Variants in COX18 observed in about 807,000 individuals in gnomAD.
COX18 encodes the protein cytochrome c oxidase assembly factor COX18.
In COX18, 45 loss-of-function variants were observed where a neutral mutation model predicts 38.0. That is an observed-to-expected ratio of 1.18 (90% CI 0.93 to 1.52). The LOEUF (loss-of-function observed/expected upper bound fraction) is 1.52, where lower values mean the gene tolerates loss of function less well. Among genes scored for constraint, COX18 ranks in the 40% most tolerant of loss-of-function variants. The pLI, the probability that COX18 is intolerant of heterozygous loss-of-function variation, is 0.00. For synonymous variants in COX18, 177 were observed against 169.8 expected (o/e 1.04, Z -0.33); for missense variants, 462 against 423.8 (o/e 1.09, Z -0.79).
Position 73,069,660 on chromosome 4 carries a change from C to G in COX18, c.-11G>C. On this transcript the variant is annotated 5_prime_UTR_variant, in exon 1 of 6. Coordinates refer to ENST00000507544, the MANE Select transcript of COX18 (RefSeq NM_001297732.2). ...GAGCCGGCACAGCATTTCTGCACCACGGCGGAGCCCAGATCCCGGGCCTCA... is the reference window on the plus strand; with the variant it reads ...GAGCCGGCACAGCATTTCTGCACCAGGGCGGAGCCCAGATCCCGGGCCTCA... 1 of 1,543,206 alleles carries G rather than the reference C, an allele frequency of 6.5e-7. No homozygotes were observed. The highest frequency in any genetic ancestry group is 8.7e-7 in the Non-Finnish European group (1 of 1,149,856).
In COX18 at chr4:73,056,679, T is replaced by A. The variant is rs987958388; in HGVS notation, c.*1435A>T. 6.6e-6 allele frequency: 1 copy of A among 152,212 alleles called. No individual in the cohort carries two copies. The highest frequency in any genetic ancestry group is 1.5e-5 in the Non-Finnish European group (1 of 68,040). 9.4% of individuals were successfully genotyped at this position (152,212 alleles called of 1,614,324 possible). On this transcript the variant is annotated 3_prime_UTR_variant, in exon 6 of 6. Transcript: ENST00000507544. ...TATGTTCCATTAGAATAAGATTTAT[T>A]AACTAGGAATTGCCAGAAAATCTTC...
At position 73,058,199 on chromosome 4, in the gene COX18, C is replaced by T. The variant is rs145314693; in HGVS notation, c.920G>A (p.Arg307Gln). Residue 307 changes from arginine to glutamine, a missense_variant, in exon 6 of 6, where the codon CGA becomes CAA. Transcript: ENST00000507544. ...TGAATCTGACTTGGTCGATGGTATT[C>T]GGCAAAGTTGGCGAAATCCAGGAGA... ...LRSPGFRQLC[R>Q]IPSTKSDSET... is the part of the protein sequence containing the mutation. The T allele has an allele frequency of 5.8e-5, 93 of 1,613,732 alleles. 1 individual carries two copies. In the African/African-American group the frequency reaches 7.1e-4, roughly 12 times the overall value.
chr4:73,058,755 T>C (rs1413119173), intron 5 of COX18, among the ~76,000 whole-genome samples: 1 of 152,224 alleles, frequency 6.6e-6, no homozygotes, highest in Non-Finnish European at 1.5e-5. Flanking sequence ...TAGTAAGGAA[T>C]GCATTTTCTT....
At chr4:73,061,393 G>C (rs1204777980) in intron 5 of COX18, among the ~76,000 whole-genome samples, 1 of 152,154 alleles carries the variant, frequency 6.6e-6, no homozygotes, top group Non-Finnish European at 1.5e-5. Flanking sequence ...GGATCAAGTA[G>C]TCAGAGGAAG....
Position 73,058,120 on chromosome 4 carries a change from T to A in COX18, c.999A>T (p.Arg333Ser). ...AAAATTATTGGAAAATATGTCATTTTCTTGAAATGAACTTGGTATTAAAGG... is the reference window on the plus strand; with the variant it reads ...AAAATTATTGGAAAATATGTCATTTACTTGAAATGAACTTGGTATTAAAGG... ...FAAFNTKFIS[R>S]K Residue 333 changes from arginine to serine, a missense_variant, in exon 6 of 6, where the codon AGA (arginine) becomes AGT (serine). Coordinates refer to ENST00000507544, the MANE Select transcript of COX18 (RefSeq NM_001297732.2). 6.3e-7 allele frequency: 1 copy of A among 1,575,900 alleles called. No homozygotes were observed. The highest frequency in any genetic ancestry group is 8.6e-7 in the Non-Finnish European group (1 of 1,156,802).
At chr4:73,069,210 C>T in intron 1 of COX18, 107 bp downstream of exon 1, 1 of 778,756 alleles carries the variant, frequency 1.3e-6, no homozygotes, top group Non-Finnish European at 2.0e-6. Flanking sequence ...AAACACTAAG[C>T]ACTGCAGAAG....
Position 73,069,483 on chromosome 4 carries a change from T to C in COX18, c.167A>G (p.Glu56Gly). 6.3e-7 allele frequency: 1 copy of C among 1,593,310 alleles called. No individual in the cohort carries two copies. Among genetic ancestry groups the C allele is most frequent in the South Asian group, 1.1e-5 (1 of 88,144 alleles). Residue 56 changes from glutamate to glycine, a missense_variant, in exon 1 of 6, where the codon GAG becomes GGG. Transcript: ENST00000507544. Reference protein sequence around the residue: ...VSAVHANGWYEALAASSPVRV... With the variant: ...VSAVHANGWYGALAASSPVRV... ...CACCGGCGAAGACGCGGCCAGGGCC[T>C]CGTACCAGCCGTTCGCATGTACTGC...
chr4:73,052,643 A>T lies in COX18; in HGVS notation c.*5471T>A, dbSNP rs1719773614. 2.6e-5 allele frequency: 4 copies of T among 152,180 alleles called. No individual in the cohort carries two copies. In the South Asian group the frequency reaches 8.3e-4, roughly 31 times the overall value. 9.4% of individuals were successfully genotyped at this position (152,180 alleles called of 1,614,324 possible). A position where few individuals can be genotyped will look rare whatever the true frequency, so the allele number is the denominator to read the frequency against. On this transcript the variant is annotated 3_prime_UTR_variant, in exon 6 of 6. Coordinates refer to ENST00000507544, the MANE Select transcript of COX18 (RefSeq NM_001297732.2). ...AATGGAAAATCTATAAATTCATATA[A>T]TTTCCAATTATCTGGGTTCTGCTTG...
rs1226097940 is a variant in COX18, at chr4:73,068,782, A to AT, written c.333+534dup. 2.6e-5 allele frequency: 4 copies of AT among 153,280 alleles called. No individual in the cohort carries two copies. In the South Asian group the frequency reaches 8.0e-4, roughly 31 times the overall value. The allele number at this position is 153,280 out of a possible 1,614,324, so 9.5% of individuals were successfully genotyped here. ...AGGCAAGGAAGGTACTGCTAGCCTGATTCCTCAGAAAAAAGGATTCAGCAT... is the reference window on the plus strand; with the variant it reads ...AGGCAAGGAAGGTACTGCTAGCCTGATTTCCTCAGAAAAAAGGATTCAGCAT... On this transcript the variant is annotated intron_variant, in intron 1 of 5. Coordinates refer to ENST00000507544, the MANE Select transcript of COX18 (RefSeq NM_001297732.2).
At chr4:73,066,844 C>T (rs978283271) in intron 2 of COX18, among the ~76,000 whole-genome samples, 1 of 152,054 alleles carries the variant, frequency 6.6e-6, no homozygotes, top group Admixed American at 6.6e-5. Flanking sequence ...CTTTTTAACA[C>T]TAAATATAGG....
In COX18 at chr4:73,056,738, T is replaced by A. The variant is rs1336032462; in HGVS notation, c.*1376A>T. The A allele has an allele frequency of 6.6e-6, 1 of 152,208 alleles. No individual in the cohort carries two copies. The highest frequency in any genetic ancestry group is 1.5e-5 in the Non-Finnish European group (1 of 68,038). The allele number at this position is 152,208 out of a possible 1,614,324, so 9.4% of individuals were successfully genotyped here. ...AAGGAAGTCCCCGTATTGTGAGTCT[T>A]AAGATTTTTCTGAAGAGAAAACCAT... On this transcript the variant is annotated 3_prime_UTR_variant, in exon 6 of 6. Transcript: ENST00000507544.
Position 73,064,430 on chromosome 4 carries a change from C to T in COX18, c.723+348G>A, listed in dbSNP as rs1049591902. Among the ~76,000 whole-genome samples, 13 of 152,300 alleles carry T rather than the reference C, an allele frequency of 8.5e-5. 1 individual carries two copies. Among genetic ancestry groups the T allele is most frequent in the Admixed American group, 6.5e-4 (10 of 15,296 alleles). ...CAAATTCACATATTAAACACACACACGGAACATCACTCTATTTTAAGAATA... is the reference window on the plus strand; with the variant it reads ...CAAATTCACATATTAAACACACACATGGAACATCACTCTATTTTAAGAATA... On this transcript the variant is annotated intron_variant, in intron 4 of 5. Coordinates refer to ENST00000507544, the MANE Select transcript of COX18 (RefSeq NM_001297732.2).
At chr4:73,060,170 C>T (rs1024087076) in intron 5 of COX18, among the ~76,000 whole-genome samples, 1 of 152,224 alleles carries the variant, frequency 6.6e-6, no homozygotes, top group African/African-American at 2.4e-5. Context: ...GGACTTGTCT[C>T]ATCATCCCTA....
chr4:73,064,744 A>G lies in COX18; in HGVS notation c.723+34T>C, dbSNP rs1010178975. 5.6e-6 allele frequency: 9 copies of G among 1,605,236 alleles called. No individual in the cohort carries two copies. In the African/African-American group the frequency reaches 8.0e-5, roughly 14 times the overall value. On this transcript the variant is annotated intron_variant, in intron 4 of 5. Transcript: ENST00000507544. The stretch of plus-strand genomic sequence containing the variant: ...AAACAGCAGCAACAAAAATCCCCAT[A>G]AATGGCAAACAAATTTCATTTAAAA...
In COX18 at chr4:73,069,551, G is replaced by C. The variant is rs552248026; in HGVS notation, c.99C>G (p.Ala33=). 3.9e-5 allele frequency: 62 copies of C among 1,571,752 alleles called. No individual in the cohort carries two copies. The Middle Eastern group carries it at 5.0e-4, about 13-fold the overall frequency. ...CCCACACTGGGAGAGTGGGGCGCTTGGCGCCGCTCGTAGGAACCGGCGCAA... is the reference window on the plus strand; with the variant it reads ...CCCACACTGGGAGAGTGGGGCGCTTCGCGCCGCTCGTAGGAACCGGCGCAA... ...LPLAPVPTSG[A]KRPTLPVWAV... is the part of the protein sequence containing the mutation. Residue 33 remains alanine (A), a synonymous_variant, in exon 1 of 6, where the codon GCC becomes GCG. Coordinates refer to ENST00000507544, the MANE Select transcript of COX18 (RefSeq NM_001297732.2).
intron 2 of COX18, 126 bp from the exon 3 acceptor site, chr4:73,065,539 C>T: frequency 1.4e-6 from 1 of 740,246 alleles, no homozygotes; most frequent in Non-Finnish European, 2.1e-6. Context: ...AGGGTTTCAG[C>T]TGTCACAGGC....
At chr4:73,067,521 T>C (rs1720508092) in intron 2 of COX18, among the ~76,000 whole-genome samples, 1 of 152,058 alleles carries the variant, frequency 6.6e-6, no homozygotes, top group South Asian at 2.1e-4. Flanking sequence ...TATGAAACTA[T>C]CATGCCATAT....
At chr4:73,069,233 G>A in intron 1 of COX18, 84 bp downstream of exon 1, 2 of 1,017,226 alleles carry the variant, frequency 2.0e-6, no homozygotes, top group Non-Finnish European at 2.8e-6. Context: ...AACATCGTGC[G>A]ATCGAAAACC....
rs551194729 is a variant in COX18, at chr4:73,061,801, G to A, written c.831+12C>T. 23 of 1,511,212 alleles carry A rather than the reference G, an allele frequency of 1.5e-5. No individual in the cohort carries two copies. The highest frequency in any genetic ancestry group is 2.1e-5 in the Non-Finnish European group (23 of 1,087,236). 93.6% of individuals were successfully genotyped at this position (1,511,212 alleles called of 1,614,324 possible). ...TTAGCACATGCTACACACAATATTGGTGCTTACTCACTGAGGGTACCGTTG... is the reference window on the plus strand; with the variant it reads ...TTAGCACATGCTACACACAATATTGATGCTTACTCACTGAGGGTACCGTTG... On this transcript the variant is annotated intron_variant, in intron 5 of 5. Coordinates refer to ENST00000507544, the MANE Select transcript of COX18 (RefSeq NM_001297732.2).
Sources: allele counts gnomAD v4.1 joint callset (sites outside exome capture counted in the v4.1 genomes callset), GRCh38; gene constraint gnomAD v4.1.1; transcripts MANE v1.5; gene names NCBI Gene and HGNC (gene_info 2026-07-23, HGNC 2026-07-21).